RNF216: variants seen among roughly 807,000 people sequenced by gnomAD.
RNF216 encodes ring finger protein 216.
In RNF216, 72 loss-of-function variants were observed where a neutral mutation model predicts 110.8. The ratio of observed to expected loss-of-function variants is 0.65; its 90% CI spans 0.54 to 0.79. The LOEUF (loss-of-function observed/expected upper bound fraction) is 0.79, where lower values mean the gene tolerates loss of function less well. Ranked by LOEUF, RNF216 falls within the 30% of genes least tolerant of loss-of-function variation. The probability of loss-of-function intolerance (pLI) is 0.00; values close to 1 mark genes in which losing one functional copy is unlikely to be tolerated. For synonymous variants in RNF216, 495 were observed against 407.5 expected, an observed-to-expected ratio of 1.21 and a Z score of -2.59; for missense variants, 1,342 against 1,141.2, an observed-to-expected ratio of 1.18 and a Z score of -2.54.
At chr7:5,760,856 T>G in intron 2 of RNF216, 147 bp downstream of exon 2, 1 of 655,930 alleles carries the variant, frequency 1.5e-6, no homozygotes. Flanking sequence ...TTATCTGATA[T>G]AATTCTAGTC....
At chr7:5,760,767 C>T (rs1336086863) in intron 2 of RNF216, among the ~76,000 whole-genome samples, 7 of 152,178 alleles carry the variant, frequency 4.6e-5, no homozygotes, top group African/African-American at 1.7e-4. Context: ...ATATTAACAG[C>T]GTCTTGCCAG....
chr7:5,715,852 C>T (rs951770834), intron 10 of RNF216, among the ~76,000 whole-genome samples: 11 of 151,270 alleles, frequency 7.3e-5, no homozygotes, highest in Non-Finnish European at 1.3e-4. Flanking sequence ...AGCGATTCTC[C>T]TGCTTCAGCC....
chr7:5,684,112 T>C, intron 13 of RNF216, among the ~76,000 whole-genome samples: 1 of 140,768 alleles, frequency 7.1e-6, no homozygotes, highest in African/African-American at 2.7e-5. Flanking sequence ...TTTTTTTTTT[T>C]TTTTTTTTGA....
intron 14 of RNF216, among the ~76,000 whole-genome samples, chr7:5,651,629 T>C (rs1363545579): frequency 2.6e-5 from 4 of 151,476 alleles, no homozygotes; most frequent in Non-Finnish European, 4.4e-5. Flanking sequence ...GATTTCAGTA[T>C]TACTTCGGTC....
intron 3 of RNF216, among the ~76,000 whole-genome samples, chr7:5,752,316 G>A (rs1420055069): frequency 2.0e-5 from 3 of 152,110 alleles, no homozygotes; most frequent in Admixed American, 6.6e-5. Flanking sequence ...ATGCTTTCTG[G>A]CTGAGGAATA....
intron 14 of RNF216, among the ~76,000 whole-genome samples, chr7:5,642,264 G>A (rs1305911477): frequency 2.0e-5 from 3 of 151,368 alleles, no homozygotes; most frequent in South Asian, 2.1e-4. Context: ...CTAGCCTGGG[G>A]CACAGTGGCT....
Position 5,761,045 on chromosome 7 carries a change from C to G in RNF216, c.25G>C (p.Glu9Gln). Reference protein sequence around the residue: MEEGNNNEEVIHLNNFHCH... With the variant: MEEGNNNEQVIHLNNFHCH... ...TGAAAGTTGTTCAAGTGAATTACCT[C>G]TTCATTGTTGTTTCCCTCTTCCATT... The change falls in exon 2 of 17, where the codon GAG (glutamate) becomes CAG (glutamine). Residue 9 changes from glutamate (E) to glutamine (Q), a missense_variant. Coordinates refer to ENST00000389902, the MANE Select transcript of RNF216 (RefSeq NM_207111.4). 1 of 1,584,812 alleles carries G rather than the reference C, an allele frequency of 6.3e-7. No homozygotes were observed. Among genetic ancestry groups the G allele is most frequent in the African/African-American group, 1.4e-5 (1 of 72,982 alleles).
At chr7:5,732,089 C>T (rs1314851651) in intron 5 of RNF216, among the ~76,000 whole-genome samples, 1 of 152,078 alleles carries the variant, frequency 6.6e-6, no homozygotes, top group Non-Finnish European at 1.5e-5. Flanking sequence ...CGCCTGAGGC[C>T]CAAAGAGAGG....
At position 5,711,814 on chromosome 7, in the gene RNF216, G is replaced by A. The variant is rs764410251; in HGVS notation, c.2008C>T (p.Leu670=). 3.1e-6 allele frequency: 5 copies of A among 1,613,894 alleles called. No homozygotes were observed. The highest frequency in any genetic ancestry group is 2.2e-5 in the East Asian group (1 of 44,898). ...VRCPSCSFPA[L]LDSDVKRFSC... is the part of the protein sequence containing the mutation. ...AACCTCTTCACATCACTGTCCAACAGAGCCGGAAAGCTACAGGACGGGCAC... is the reference window on the plus strand; with the variant it reads ...AACCTCTTCACATCACTGTCCAACAAAGCCGGAAAGCTACAGGACGGGCAC... Residue 670 remains leucine, a synonymous_variant, in exon 13 of 17, where the codon CTG becomes TTG. Coordinates refer to ENST00000389902, the MANE Select transcript of RNF216 (RefSeq NM_207111.4).
chr7:5,700,221 C>T (rs1293729986), intron 13 of RNF216, among the ~76,000 whole-genome samples: 1 of 152,166 alleles, frequency 6.6e-6, no homozygotes, highest in Non-Finnish European at 1.5e-5. Context: ...GGAACACTAT[C>T]ACTTTCCACC....
At chr7:5,659,517 G>C (rs1239878299) in intron 13 of RNF216, among the ~76,000 whole-genome samples, 1 of 152,160 alleles carries the variant, frequency 6.6e-6, no homozygotes, top group East Asian at 1.9e-4. Flanking sequence ...TCACCCAGTA[G>C]GACTGAGGCT....
intron 14 of RNF216, among the ~76,000 whole-genome samples, chr7:5,650,379 A>C (rs1270393010): frequency 1.3e-5 from 2 of 152,220 alleles, no homozygotes; most frequent in African/African-American, 2.4e-5. Context: ...CCGATAGGAC[A>C]ATCAGAATGA....
At chr7:5,734,706 C>A (rs1455705111) in intron 5 of RNF216, among the ~76,000 whole-genome samples, 1 of 151,334 alleles carries the variant, frequency 6.6e-6, no homozygotes, top group Admixed American at 6.6e-5. Flanking sequence ...TGCCTGTAAT[C>A]CCAGCTATTC....
At chr7:5,717,621 A>T (rs1193986771) in intron 9 of RNF216, among the ~76,000 whole-genome samples, 1 of 152,186 alleles carries the variant, frequency 6.6e-6, no homozygotes, top group Non-Finnish European at 1.5e-5. Flanking sequence ...AACATCCATC[A>T]ATAGGGGAAT....
At chr7:5,712,567 A>T in intron 12 of RNF216, 148 bp downstream of exon 12, 2 of 747,262 alleles carry the variant, frequency 2.7e-6, no homozygotes, top group South Asian at 2.0e-5. Flanking sequence ...AAAATAAATA[A>T]GTAAAATTAT....
intron 13 of RNF216, among the ~76,000 whole-genome samples, chr7:5,705,089 C>G (rs1417375172): frequency 6.6e-6 from 1 of 152,180 alleles, no homozygotes; most frequent in Non-Finnish European, 1.5e-5. Flanking sequence ...CCCCTCTCCT[C>G]CTCTTTCCTC....
chr7:5,740,321 T>C (rs1196482334), intron 4 of RNF216, among the ~76,000 whole-genome samples: 2 of 152,036 alleles, frequency 1.3e-5, no homozygotes. Flanking sequence ...AGAGACAGGG[T>C]TTCACCGTGT....
chr7:5,765,143 C>G (rs1796137180), intron 1 of RNF216, among the ~76,000 whole-genome samples: 1 of 151,038 alleles, frequency 6.6e-6, no homozygotes, highest in Non-Finnish European at 1.5e-5. Context: ...TTACCTCCCA[C>G]AGATACTCAA....
Position 5,682,812 on chromosome 7 carries a change from G to T in RNF216, c.2061+28949C>A, listed in dbSNP as rs891577939. Among the ~76,000 whole-genome samples the T allele has an allele frequency of 4.6e-5, 7 of 152,222 alleles. No individual in the cohort carries two copies. In the South Asian group the frequency reaches 8.3e-4, roughly 18 times the overall value. On this transcript the variant is annotated intron_variant, in intron 13 of 16. Transcript: ENST00000389902. ...GTGCTCCAAGAGTCTTAAGCAAATG[G>T]ATTCTCTTGGAATCAAGAGTCCTAC...
Sources: gnomAD v4.1 joint callset for allele counts (sites outside exome capture counted in the v4.1 genomes callset) on GRCh38, gnomAD v4.1.1 for gene constraint, MANE v1.5 for transcripts, NCBI Gene and HGNC (gene_info 2026-07-23, HGNC 2026-07-21) for gene names.